Variants in KMT2A observed in about 807,000 individuals in gnomAD.
The protein encoded by KMT2A is lysine methyltransferase 2A, also known as histone-lysine N-methyltransferase 2A.
Under a neutral mutation model 345.3 loss-of-function variants are expected in KMT2A, and 16 were observed. The ratio of observed to expected loss-of-function variants is 0.05; its 90% CI spans 0.03 to 0.07. The LOEUF (loss-of-function observed/expected upper bound fraction) is 0.07, where lower values mean the gene tolerates loss of function less well. KMT2A is among the 10% of genes least tolerant of loss of function. KMT2A has a pLI of 1.00. For synonymous variants in KMT2A, 1,599 were observed against 1,778.6 expected, an observed-to-expected ratio of 0.90 and a Z score of 2.54; for missense variants, 3,272 against 4,841.6, an observed-to-expected ratio of 0.68 and a Z score of 9.62.
chr11:118,491,434 A>T lies in KMT2A; in HGVS notation c.4819+116A>T. 9.8e-7 allele frequency: 1 copy of T among 1,021,912 alleles called. No individual in the cohort carries two copies. The highest frequency in any genetic ancestry group is 1.4e-6 in the Non-Finnish European group (1 of 716,218). The allele number at this position is 1,021,912 out of a possible 1,614,324, so 63.3% of individuals were successfully genotyped here. On this transcript the variant is annotated intron_variant, in intron 14 of 35. Coordinates refer to ENST00000534358, the MANE Select transcript of KMT2A (RefSeq NM_001197104.2). This position sits in a 1 kb window ranked among gnomAD's most constrained non-coding sequence, Gnocchi z 4.2. ...GTTGTTATTTGAAATCTCTAAATTT[A>T]TTTTTTAGTCTCTAGAATAAGCAGC... is the stretch of plus-strand genomic sequence containing the variant.
chr11:118,500,956 T>G lies in KMT2A; in HGVS notation c.6159-31T>G, dbSNP rs181217887. 101 of 1,587,486 alleles carry G rather than the reference T, an allele frequency of 6.4e-5. No homozygotes were observed. Among genetic ancestry groups the G allele is most frequent in the Admixed American group, 5.9e-4 (35 of 59,604 alleles). On this transcript the variant is annotated intron_variant, in intron 24 of 35. Coordinates refer to ENST00000534358, the MANE Select transcript of KMT2A (RefSeq NM_001197104.2). ...TAGTTTCTGCTTCTATCCTCTCCCT[T>G]ATGATGATTTTCCCAAATCTGTTTA... is the stretch of plus-strand genomic sequence containing the variant.
rs141471060 is a variant in KMT2A at position 118,520,679 on chromosome 11, A to G, written c.11430-123A>G. 1.1e-3 allele frequency: 772 copies of G among 694,576 alleles called. 6 individuals carry two copies. The Middle Eastern group carries it at 0.012, about 10-fold the overall frequency. 43.0% of individuals were successfully genotyped at this position (694,576 alleles called of 1,614,324 possible). A position where few individuals can be genotyped will look rare whatever the true frequency, so the allele number is the denominator to read the frequency against. The stretch of plus-strand genomic sequence containing the variant: ...AAAAAAAGGGGGGCGCTCATTTTAT[A>G]AGGCACTCGTTCAGTTTGGCATTAA... On this transcript the variant is annotated intron_variant, in intron 33 of 35. Transcript: ENST00000534358. This position sits in a 1 kb window ranked among gnomAD's most constrained non-coding sequence, Gnocchi z 4.3.
At chr11:118,460,472 G>C (rs1280199885) in intron 1 of KMT2A, among the ~76,000 whole-genome samples, 1 of 151,824 alleles carries the variant, frequency 6.6e-6, no homozygotes, top group Admixed American at 6.6e-5. Context: ...ATTTTTAGTG[G>C]AGATGGGGGT....
intron 1 of KMT2A, among the ~76,000 whole-genome samples, chr11:118,456,630 G>T (rs899530545): frequency 6.6e-5 from 10 of 152,120 alleles, no homozygotes; most frequent in African/African-American, 1.9e-4. Flanking sequence ...GAGCCGCCGC[G>T]CCTGGCATGC....
At chr11:118,485,567 T>C (rs1950213300) in intron 10 of KMT2A, among the ~76,000 whole-genome samples, 1 of 152,160 alleles carries the variant, frequency 6.6e-6, no homozygotes, top group African/African-American at 2.4e-5. Context: ...ATAGATTAGT[T>C]ACAATCTTTC....
intron 1 of KMT2A, among the ~76,000 whole-genome samples, chr11:118,447,175 C>T (rs782166237): frequency 5.3e-5 from 8 of 152,066 alleles, no homozygotes; most frequent in Non-Finnish European, 7.4e-5. Flanking sequence ...GTATGTTATC[C>T]TTAAAAAATT....
Position 118,499,933 on chromosome 11 carries a change from G to C in KMT2A, c.6158+20G>C. 1 of 1,532,234 alleles carries C rather than the reference G, an allele frequency of 6.5e-7. No individual in the cohort carries two copies. Among genetic ancestry groups the C allele is most frequent in the Non-Finnish European group, 9.0e-7 (1 of 1,105,884 alleles). 94.9% of individuals were successfully genotyped at this position (1,532,234 alleles called of 1,614,324 possible). The stretch of plus-strand genomic sequence containing the variant: ...ATATCAGTAAGTAGCACTATAAAGA[G>C]AAGAGAGCAGCCCCACAACCTGAAC... On this transcript the variant is annotated intron_variant, in intron 24 of 35. Transcript: ENST00000534358.
intron 31 of KMT2A, among the ~76,000 whole-genome samples, chr11:118,512,803 GTT>G (rs782638304): frequency 1.5e-5 from 2 of 130,404 alleles, no homozygotes; most frequent in Non-Finnish European, 1.7e-5. Context: ...CCTGTTTTTT[GTT>G]TTTTTTTTTT....
intron 1 of KMT2A, among the ~76,000 whole-genome samples, chr11:118,446,194 CAAT>C (rs1370279937): frequency 6.6e-6 from 1 of 151,666 alleles, no homozygotes; most frequent in African/African-American, 2.4e-5. Context: ...ACTTAAAATA[CAAT>C]AATTAGCTAC....
rs1555053964 is a variant in KMT2A at position 118,522,621 on chromosome 11, C to A, written c.*449C>A. ...GTTGGTTAGATTCCTGACAGTTTGCCAGCCAGGCCCCACCTACAGCGTCTG... is the reference window on the plus strand; with the variant it reads ...GTTGGTTAGATTCCTGACAGTTTGCAAGCCAGGCCCCACCTACAGCGTCTG... On this transcript the variant is annotated 3_prime_UTR_variant, in exon 36 of 36. Transcript: ENST00000534358. The surrounding 1 kb of genome is among the most constrained non-coding windows in gnomAD (Gnocchi z 5.4). 4.4e-6 allele frequency: 1 copy of A among 228,430 alleles called. No homozygotes were observed. Among genetic ancestry groups the A allele is most frequent in the Non-Finnish European group, 8.8e-6 (1 of 113,734 alleles). The allele number at this position is 228,430 out of a possible 1,614,324, so 14.2% of individuals were successfully genotyped here. A position where few individuals can be genotyped will look rare whatever the true frequency, so the allele number is the denominator to read the frequency against.
intron 1 of KMT2A, chr11:118,439,179 A>G (rs1475708918): frequency 2.2e-5 from 9 of 405,964 alleles, no homozygotes; most frequent in African/African-American, 1.9e-4. Flanking sequence ...AAAAAGAAAA[A>G]AAAGAAAAAA....
At chr11:118,509,883 C>G in intron 29 of KMT2A, 65 bp from the exon 30 acceptor site, 5 of 1,184,736 alleles carry the variant, frequency 4.2e-6, no homozygotes, top group Non-Finnish European at 6.0e-6. Context: ...GTAAAGTACT[C>G]TACATGTAGT....
chr11:118,483,651 T>C (rs1950181275), intron 8 of KMT2A, among the ~76,000 whole-genome samples: 1 of 152,256 alleles, frequency 6.6e-6, no homozygotes. Flanking sequence ...TAAAGGCCAT[T>C]TGGCGTAATT....
At chr11:118,486,835 C>T (rs979739670) in intron 10 of KMT2A, among the ~76,000 whole-genome samples, 1 of 152,100 alleles carries the variant, frequency 6.6e-6, no homozygotes, top group South Asian at 2.1e-4. Context: ...CTGCAGTGAG[C>T]CATTATCACG....
Position 118,484,337 on chromosome 11 carries a change from A to C in KMT2A, c.4218+23A>C, listed in dbSNP as rs1555040285. ...AAGGTAAAGGTGTTCAGTGATCATA[A>C]AGTATATTGAGTGTCAAAGACTTTA... On this transcript the variant is annotated intron_variant, in intron 9 of 35. Transcript: ENST00000534358. The surrounding 1 kb of genome is among the most constrained non-coding windows in gnomAD (Gnocchi z 4.1). 1 of 1,612,074 alleles carries C rather than the reference A, an allele frequency of 6.2e-7. No homozygotes were observed. The highest frequency in any genetic ancestry group is 1.7e-4 in the Middle Eastern group (1 of 6,054).
chr11:118,446,239 C>G (rs1949418964), intron 1 of KMT2A, among the ~76,000 whole-genome samples: 1 of 152,034 alleles, frequency 6.6e-6, no homozygotes, highest in South Asian at 2.1e-4. Flanking sequence ...ATCCCAGCTA[C>G]TTGGGGGGCT....
rs530561756 is a variant in KMT2A at position 118,522,229 on chromosome 11, G to T, written c.*57G>T. Reference sequence around the variant, plus strand: ...AGGAGGCGGGGCCATCCAAAGCAACGCTGAAGGCCTTTTCCAGCAGCTGGG... The same window carrying T: ...AGGAGGCGGGGCCATCCAAAGCAACTCTGAAGGCCTTTTCCAGCAGCTGGG... On this transcript the variant is annotated 3_prime_UTR_variant, in exon 36 of 36. Coordinates refer to ENST00000534358, the MANE Select transcript of KMT2A (RefSeq NM_001197104.2). The surrounding 1 kb of genome is among the most constrained non-coding windows in gnomAD (Gnocchi z 5.4). 408 of 1,585,316 alleles carry T rather than the reference G, an allele frequency of 2.6e-4. 14 individuals are homozygous for T. The South Asian group carries it at 4.0e-3, about 16-fold the overall frequency.
chr11:118,488,105 A>AG (rs1394988453), intron 10 of KMT2A, among the ~76,000 whole-genome samples: 1 of 152,190 alleles, frequency 6.6e-6, no homozygotes, highest in Non-Finnish European at 1.5e-5. Flanking sequence ...GCTTGAACCC[A>AG]GGAGGCGGAG....
chr11:118,500,185 T>C (rs1469490365), intron 24 of KMT2A, among the ~76,000 whole-genome samples: 1 of 152,168 alleles, frequency 6.6e-6, no homozygotes, highest in Non-Finnish European at 1.5e-5. Flanking sequence ...TCTCTTAAGA[T>C]TCCTCCAAAT....
Sources: allele counts gnomAD v4.1 joint callset (sites outside exome capture counted in the v4.1 genomes callset), GRCh38; gene constraint gnomAD v4.1.1; non-coding constraint Gnocchi (gnomAD v3.1); transcripts MANE v1.5; gene names NCBI Gene and HGNC (gene_info 2026-07-23, HGNC 2026-07-21).